Variants in SLC49A4 observed in about 807,000 individuals in gnomAD.
SLC49A4 encodes disrupted in renal cancer protein 2.
SLC49A4 carries 36 observed loss-of-function variants against 50.6 expected under a neutral mutation model. The ratio of observed to expected loss-of-function variants is 0.71; its 90% CI spans 0.55 to 0.94. SLC49A4 has a LOEUF of 0.94. Ranked by LOEUF, SLC49A4 falls within the 40% of genes least tolerant of loss-of-function variation. SLC49A4 has a pLI of 0.00. For missense variants in SLC49A4, 503 were observed against 605.7 expected, an observed-to-expected ratio of 0.83 and a Z score of 1.78; for synonymous variants, 248 against 241.2, an observed-to-expected ratio of 1.03 and a Z score of -0.26.
chr3:122,808,291 A>G (rs1431943499), intron 2 of SLC49A4, among the ~76,000 whole-genome samples: 1 of 152,224 alleles, frequency 6.6e-6, no homozygotes, highest in African/African-American at 2.4e-5. Flanking sequence ...TAAATAAGTA[A>G]AATACATAGT....
At chr3:122,852,793 C>T (rs1462254465) in intron 5 of SLC49A4, among the ~76,000 whole-genome samples, 1 of 152,158 alleles carries the variant, frequency 6.6e-6, no homozygotes, top group Non-Finnish European at 1.5e-5. Flanking sequence ...CTGTCAATAA[C>T]TTCTCAGTCC....
In SLC49A4 at chr3:122,845,966, G is replaced by C. The variant is rs560074523; in HGVS notation, c.942+95G>C. On this transcript the variant is annotated intron_variant, in intron 5 of 8. Transcript: ENST00000261038. Reference sequence around the variant, plus strand: ...TTCTTGGTTTTAGCTTCAAGGACTGGGTAAAACATCGTCCTATACCATTGT... The same window carrying C: ...TTCTTGGTTTTAGCTTCAAGGACTGCGTAAAACATCGTCCTATACCATTGT... 11 of 819,220 alleles carry C rather than the reference G, an allele frequency of 1.3e-5. No homozygotes were observed. The African/African-American group carries it at 1.8e-4, about 13-fold the overall frequency. 50.7% of individuals were successfully genotyped at this position (819,220 alleles called of 1,614,324 possible). A position where few individuals can be genotyped will look rare whatever the true frequency, so the allele number is the denominator to read the frequency against.
intron 1 of SLC49A4, 29 bp from the exon 2 acceptor site, chr3:122,806,828 A>G (rs1340334859): frequency 2.2e-6 from 3 of 1,366,152 alleles, no homozygotes; most frequent in Non-Finnish European, 3.1e-6. Context: ...GAAAATCAAG[A>G]TAATTTCAAT....
intron 7 of SLC49A4, among the ~76,000 whole-genome samples, chr3:122,867,770 A>G (rs1937138207): frequency 6.6e-6 from 1 of 152,178 alleles, no homozygotes; most frequent in South Asian, 2.1e-4. Flanking sequence ...TCACGAGGTC[A>G]GGAGATCGAG....
intron 6 of SLC49A4, among the ~76,000 whole-genome samples, chr3:122,856,610 G>A (rs1320123318): frequency 6.6e-6 from 1 of 152,174 alleles, no homozygotes; most frequent in Admixed American, 6.5e-5. Context: ...GCTGAGGCAG[G>A]CGGATTACCT....
At chr3:122,804,658 G>T (rs1298447679) in intron 1 of SLC49A4, among the ~76,000 whole-genome samples, 2 of 152,128 alleles carry the variant, frequency 1.3e-5, no homozygotes, top group Non-Finnish European at 2.9e-5. Context: ...TTTCATTTTT[G>T]TATTTTTGTG....
intron 2 of SLC49A4, 67 bp from the exon 3 acceptor site, chr3:122,826,733 C>T: frequency 6.5e-7 from 1 of 1,538,452 alleles, no homozygotes; most frequent in Non-Finnish European, 8.9e-7. Flanking sequence ...CTGTTTGGCT[C>T]ATTTCTTTTT....
In SLC49A4 at chr3:122,874,671, A is replaced by G. The variant is rs146789583; in HGVS notation, c.1321+2074A>G. 3.1e-3 allele frequency among the ~76,000 whole-genome samples: 474 copies of G among 152,314 alleles called. 1 individual carries two copies. The highest frequency in any genetic ancestry group is 9.6e-3 in the African/African-American group (399 of 41,570). On this transcript the variant is annotated intron_variant, in intron 8 of 8. Transcript: ENST00000261038. ...TGTTACATGGGTATATTGCATGACA[A>G]TGAGGTTTGGGACATGAATGATCCC...
intron 5 of SLC49A4, among the ~76,000 whole-genome samples, chr3:122,848,449 T>TA (rs768371585): frequency 3.9e-5 from 6 of 152,132 alleles, no homozygotes; most frequent in African/African-American, 7.2e-5. Flanking sequence ...GGATTTCTGT[T>TA]AGAGTTTTTA....
At position 122,854,136 on chromosome 3, in the gene SLC49A4, C is replaced by T. The variant is rs530057364; in HGVS notation, c.943-2171C>T. Among the ~76,000 whole-genome samples, 3 of 152,258 alleles carry T rather than the reference C, an allele frequency of 2.0e-5. No individual in the cohort carries two copies. In the East Asian group the frequency reaches 5.8e-4, roughly 29 times the overall value. ...CCTAGTGGGCGTTGGATTATAGATA[C>T]CAGATGTGCTGCAATGAGAGGAGTG... On this transcript the variant is annotated intron_variant, in intron 5 of 8. Transcript: ENST00000261038.
intron 4 of SLC49A4, among the ~76,000 whole-genome samples, chr3:122,843,362 CT>C (rs1483125719): frequency 6.6e-6 from 1 of 151,884 alleles, no homozygotes; most frequent in Non-Finnish European, 1.5e-5. Context: ...CACTTCCCAC[CT>C]TCCTGCATCA....
intron 3 of SLC49A4, among the ~76,000 whole-genome samples, chr3:122,830,980 T>C (rs1056227195): frequency 9.2e-5 from 14 of 152,082 alleles, no homozygotes; most frequent in African/African-American, 3.4e-4. Flanking sequence ...TCAAACACAT[T>C]TCTCCCAAGA....
rs1428413595 is a variant in SLC49A4, at chr3:122,845,763, C to A, written c.834C>A (p.Ser278Arg). Residue 278 changes from serine to arginine, a missense_variant and splice_region_variant, in exon 5 of 9, where the codon AGC becomes AGA. Transcript: ENST00000261038. ...SYRRSVCRLLSNFRFLMIALA... is the reference protein window; with the variant it reads ...SYRRSVCRLLRNFRFLMIALA... ...GTTTCCTTTTATTTCTCATTCACAG[C>A]AATTTTCGATTTTTGATGATTGCTT... The A allele has an allele frequency of 1.9e-6, 3 of 1,569,372 alleles. No homozygotes were observed. The highest frequency in any genetic ancestry group is 1.4e-5 in the African/African-American group (1 of 72,988).
chr3:122,835,018 G>A (rs1936659709), intron 4 of SLC49A4, among the ~76,000 whole-genome samples: 1 of 152,088 alleles, frequency 6.6e-6, no homozygotes, highest in South Asian at 2.1e-4. Context: ...TAGAAACCCT[G>A]AACAGACCAA....
intron 1 of SLC49A4, among the ~76,000 whole-genome samples, chr3:122,797,591 A>AGAGGATGTGTGCTAGATGCC (rs1936064894): frequency 6.6e-6 from 1 of 152,234 alleles, no homozygotes; most frequent in African/African-American, 2.4e-5. Flanking sequence ...ATACTTTTGC[A>AGAGGATGTGTGCTAGATGCC]GAGGATGTGT....
chr3:122,852,394 T>G (rs1295475678), intron 5 of SLC49A4, among the ~76,000 whole-genome samples: 1 of 152,238 alleles, frequency 6.6e-6, no homozygotes, highest in Non-Finnish European at 1.5e-5. Flanking sequence ...TATCTCATAA[T>G]TCCATTATCT....
At chr3:122,827,377 G>A (rs946051555) in intron 3 of SLC49A4, among the ~76,000 whole-genome samples, 1 of 152,150 alleles carries the variant, frequency 6.6e-6, no homozygotes, top group Non-Finnish European at 1.5e-5. Flanking sequence ...TATCTTATCA[G>A]GATATAAAAC....
chr3:122,801,876 T>C (rs1553759956), intron 1 of SLC49A4, among the ~76,000 whole-genome samples: 1 of 152,146 alleles, frequency 6.6e-6, no homozygotes, highest in Non-Finnish European at 1.5e-5. Context: ...TGGTGGTCTG[T>C]AGACAACCAC....
At chr3:122,855,730 G>T (rs1936980784) in intron 5 of SLC49A4, among the ~76,000 whole-genome samples, 1 of 152,170 alleles carries the variant, frequency 6.6e-6, no homozygotes, top group African/African-American at 2.4e-5. Flanking sequence ...TCTGGGTACT[G>T]TATACAAATT....
Sources: gnomAD v4.1 joint callset for allele counts (sites outside exome capture counted in the v4.1 genomes callset) on GRCh38, gnomAD v4.1.1 for gene constraint, MANE v1.5 for transcripts, NCBI Gene and HGNC (gene_info 2026-07-23, HGNC 2026-07-21) for gene names.